PABIR2: variants seen among roughly 807,000 people sequenced by gnomAD.
The protein encoded by PABIR2 is family with sequence similarity 122B.
In PABIR2, 7 loss-of-function variants were observed where a neutral mutation model predicts 22.8. The ratio of observed to expected loss-of-function variants is 0.31; its 90% CI spans 0.17 to 0.58. PABIR2 has a LOEUF of 0.58. Ranked by LOEUF, PABIR2 falls within the 20% of genes least tolerant of loss-of-function variation. PABIR2 has a pLI of 0.89. For missense variants in PABIR2, 155 were observed against 205.1 expected (o/e 0.76, Z 1.49); for synonymous variants, 67 against 73.8 (o/e 0.91, Z 0.47).
intron 2 of PABIR2, among the ~76,000 whole-genome samples, chrX:134,792,541 G>C (rs2079576732): frequency 8.9e-6 from 1 of 112,208 alleles, no homozygotes; most frequent in Admixed American, 9.5e-5. Context: ...CCCCCTGTAA[G>C]TATTTTCAGC....
chrX:134,775,312 C>T (rs1008024774), intron 9 of PABIR2, among the ~76,000 whole-genome samples: 3 of 110,199 alleles, frequency 2.7e-5, no homozygotes, highest in African/African-American at 9.9e-5. Flanking sequence ...GGGCGGATCA[C>T]GAAGTCAGGA....
At chrX:134,780,522 T>A (rs986311299) in intron 9 of PABIR2, among the ~76,000 whole-genome samples, 5 of 111,432 alleles carry the variant, frequency 4.5e-5, no homozygotes, top group Non-Finnish European at 9.4e-5. Flanking sequence ...GAGGCTGCAG[T>A]GAGCCAAGAT....
Position 134,794,119 on chromosome X carries a change from G to A in PABIR2, c.99-226C>T, listed in dbSNP as rs772051283. The A allele has an allele frequency of 4.5e-5, 26 of 577,149 alleles. No homozygotes were observed. The Admixed American group carries it at 8.2e-4, about 18-fold the overall frequency. 47.6% of individuals were successfully genotyped at this position (577,149 alleles called of 1,213,427 possible). ...CAGAGATACTGATCTCAGTGGTCGG[G>A]GGGCAGCTGGGAGAGGTGATGCAGG... On this transcript the variant is annotated intron_variant, in intron 1 of 9. Coordinates refer to ENST00000343004, the MANE Select transcript of PABIR2 (RefSeq NM_001387468.1).
intron 2 of PABIR2, among the ~76,000 whole-genome samples, chrX:134,791,094 T>C (rs1010022292): frequency 1.5e-4 from 17 of 110,679 alleles, no homozygotes; most frequent in African/African-American, 4.9e-4. Context: ...TACATTTACA[T>C]AATATACAAC....
intron 1 of PABIR2, among the ~76,000 whole-genome samples, chrX:134,795,606 C>A (rs759979391): frequency 8.0e-5 from 9 of 112,223 alleles, no homozygotes; most frequent in South Asian, 7.3e-4. Flanking sequence ...GTTTTAGAAC[C>A]TGAAAACATT....
At chrX:134,788,490 A>G (rs1031697056) in intron 6 of PABIR2, among the ~76,000 whole-genome samples, 3 of 106,239 alleles carry the variant, frequency 2.8e-5, no homozygotes, top group African/African-American at 6.8e-5. Context: ...TTATATATGT[A>G]ATATATACGT....
At chrX:134,789,734 ATTC>A (rs2079491260) in intron 2 of PABIR2, 98 bp from the exon 3 acceptor site, 1 of 739,628 alleles carries the variant, frequency 1.4e-6, no homozygotes, top group African/African-American at 2.1e-5. Flanking sequence ...AAGTTTTCAT[ATTC>A]TTCTTCAAAA....
rs751426254 is a variant in PABIR2, at chrX:134,780,959, C to T, written c.659+862G>A. Reference sequence around the variant, plus strand: ...TATTTCATAATTTTCTAAAAGATAACAATAGATAATGCTAATCAGAGAATA... The same window carrying T: ...TATTTCATAATTTTCTAAAAGATAATAATAGATAATGCTAATCAGAGAATA... On this transcript the variant is annotated intron_variant, in intron 9 of 9. Coordinates refer to ENST00000343004, the MANE Select transcript of PABIR2 (RefSeq NM_001387468.1). Among the ~76,000 whole-genome samples, 5 of 112,643 alleles carry T rather than the reference C, an allele frequency of 4.4e-5. No individual in the cohort carries two copies. In the South Asian group the frequency reaches 1.8e-3, roughly 41 times the overall value.
Position 134,772,257 on chromosome X carries a change from C to T in PABIR2, c.686G>A (p.Ser229Asn). 8.4e-7 allele frequency: 1 copy of T among 1,191,581 alleles called. No homozygotes were observed. Among genetic ancestry groups the T allele is most frequent in the Non-Finnish European group, 1.1e-6 (1 of 883,401 alleles). Reference sequence around the variant, plus strand: ...CGGGTCTGAGGATAAGCCACTGCTGCTACTACTGCCATCCAAAATATCTGA... The same window carrying T: ...CGGGTCTGAGGATAAGCCACTGCTGTTACTACTGCCATCCAAAATATCTGA... ...SCSDILDGSS[S>N]SSGLSSDPLA... The change falls in exon 10 of 10, where the codon AGC becomes AAC. Residue 229 changes from serine to asparagine, a missense_variant. Ser to Asn is a conservative substitution (Grantham distance 46, BLOSUM62 1). Coordinates refer to ENST00000343004, the MANE Select transcript of PABIR2 (RefSeq NM_001387468.1).
chrX:134,790,985 A>G (rs2079531126), intron 2 of PABIR2, among the ~76,000 whole-genome samples: 1 of 112,315 alleles, frequency 8.9e-6, no homozygotes, highest in Admixed American at 9.5e-5. Context: ...CGTGTCACTT[A>G]GGGAAACCCA....
chrX:134,771,154 C>T lies in PABIR2; in HGVS notation c.*985G>A. The T allele has an allele frequency of 6.3e-6, 3 of 475,373 alleles. No individual in the cohort carries two copies. Among genetic ancestry groups the T allele is most frequent in the Middle Eastern group, 3.7e-4 (1 of 2,693 alleles). The allele number at this position is 475,373 out of a possible 1,213,427, so 39.2% of individuals were successfully genotyped here. ...AATCATTCACATAAGGCCCCTCTTC[C>T]ACCATACCTTATGATATACATCCCT... On this transcript the variant is annotated 3_prime_UTR_variant, in exon 10 of 10. Coordinates refer to ENST00000343004, the MANE Select transcript of PABIR2 (RefSeq NM_001387468.1).
At chrX:134,781,239 G>GT (rs2079148100) in intron 9 of PABIR2, among the ~76,000 whole-genome samples, 1 of 112,715 alleles carries the variant, frequency 8.9e-6, no homozygotes, top group Admixed American at 9.4e-5. Flanking sequence ...GAAATAATCT[G>GT]TTTTTTCACA....
chrX:134,792,913 G>A (rs749405201), intron 2 of PABIR2, among the ~76,000 whole-genome samples: 2 of 112,295 alleles, frequency 1.8e-5, no homozygotes, highest in Non-Finnish European at 3.8e-5. Context: ...CCAGTGACAC[G>A]CTTGGGGTGT....
chrX:134,778,142 C>A (rs2079043367), intron 9 of PABIR2, among the ~76,000 whole-genome samples: 1 of 103,476 alleles, frequency 9.7e-6, no homozygotes, highest in Admixed American at 1.0e-4. Context: ...GATCCGCCCA[C>A]CTCGGCCTCC....
chrX:134,771,160 A>T lies in PABIR2; in HGVS notation c.*979T>A. Reference sequence around the variant, plus strand: ...TCACATAAGGCCCCTCTTCCACCATACCTTATGATATACATCCCTTATAGC... The same window carrying T: ...TCACATAAGGCCCCTCTTCCACCATTCCTTATGATATACATCCCTTATAGC... On this transcript the variant is annotated 3_prime_UTR_variant, in exon 10 of 10. Transcript: ENST00000343004. 1 of 501,554 alleles carries T rather than the reference A, an allele frequency of 2.0e-6. No individual in the cohort carries two copies. The highest frequency in any genetic ancestry group is 4.4e-5 in the East Asian group (1 of 22,882). The allele number at this position is 501,554 out of a possible 1,213,427, so 41.3% of individuals were successfully genotyped here.
At chrX:134,788,687 C>T (rs2079453786) in intron 6 of PABIR2, 43 bp downstream of exon 6, 1 of 1,102,600 alleles carries the variant, frequency 9.1e-7, no homozygotes, top group Non-Finnish European at 1.2e-6. Context: ...GAGTAAACAG[C>T]TCAGTTTGTG....
Position 134,796,442 on chromosome X carries a change from G to C in PABIR2, c.-237C>G, listed in dbSNP as rs1011926514. On this transcript the variant is annotated 5_prime_UTR_variant, in exon 1 of 10. Coordinates refer to ENST00000343004, the MANE Select transcript of PABIR2 (RefSeq NM_001387468.1). ...TGATGGTGAGGCAGGAGAGGAGGAC[G>C]AAGAGGTAGTGGTGGAAGGTGACAG... 4 of 369,407 alleles carry C rather than the reference G, an allele frequency of 1.1e-5. No individual in the cohort carries two copies. In the Admixed American group the frequency reaches 1.8e-4, roughly 17 times the overall value. 30.4% of individuals were successfully genotyped at this position (369,407 alleles called of 1,213,427 possible). A position where few individuals can be genotyped will look rare whatever the true frequency, so the allele number is the denominator to read the frequency against.
intron 9 of PABIR2, among the ~76,000 whole-genome samples, chrX:134,775,259 G>A (rs1240645204): frequency 3.6e-5 from 4 of 111,220 alleles, no homozygotes; most frequent in East Asian, 5.6e-4. Context: ...GGCTGGGCGC[G>A]GTGGCTCATG....
Position 134,788,577 on chromosome X carries a change from T to C in PABIR2, c.435+153A>G, listed in dbSNP as rs143422666. Among the ~76,000 whole-genome samples the C allele has an allele frequency of 2.4e-3, 253 of 107,546 alleles. 1 individual carries two copies. Among genetic ancestry groups the C allele is most frequent in the Non-Finnish European group, 3.7e-3 (193 of 52,363 alleles). 93.4% of individuals were successfully genotyped at this position (107,546 alleles called of 115,157 possible). A position where few individuals can be genotyped will look rare whatever the true frequency, so the allele number is the denominator to read the frequency against. ...ATTTTAAGAAGACCAAGAATATACA[T>C]ATATATATGTATATTTTCCAAATTA... On this transcript the variant is annotated intron_variant, in intron 6 of 9. Coordinates refer to ENST00000343004, the MANE Select transcript of PABIR2 (RefSeq NM_001387468.1).
Sources: allele counts gnomAD v4.1 joint callset (sites outside exome capture counted in the v4.1 genomes callset), GRCh38; gene constraint gnomAD v4.1.1; transcripts MANE v1.5; gene names NCBI Gene and HGNC (gene_info 2026-07-23, HGNC 2026-07-21).